Variants in ROBO1 observed in about 807,000 individuals in gnomAD.
ROBO1 encodes the protein roundabout homolog 1.
A neutral mutation model predicts 195.9 loss-of-function variants in ROBO1; 149 were observed. The ratio of observed to expected loss-of-function variants is 0.76; its 90% confidence interval spans 0.67 to 0.87. ROBO1 has a LOEUF of 0.87. Among genes scored for constraint, ROBO1 ranks in the 40% least tolerant of loss-of-function variants. ROBO1 has a pLI of 0.00. For missense variants in ROBO1, 1,933 were observed against 2,068.3 expected, an observed-to-expected ratio of 0.93 and a Z score of 1.27; for synonymous variants, 816 against 733.2, an observed-to-expected ratio of 1.11 and a Z score of -1.82.
At chr3:78,811,835 C>T (rs1189552694) in intron 4 of ROBO1, among the ~76,000 whole-genome samples, 1 of 151,994 alleles carries the variant, frequency 6.6e-6, no homozygotes, top group East Asian at 1.9e-4. Context: ...TCGTTTCTTC[C>T]CAAGGCATTT....
intron 10 of ROBO1, among the ~76,000 whole-genome samples, chr3:78,677,967 AAACT>A (rs1708543132): frequency 6.6e-6 from 1 of 151,784 alleles, no homozygotes; most frequent in Non-Finnish European, 1.5e-5. Context: ...AAATTATAAC[AAACT>A]GTCTCTCAGA....
chr3:79,381,231 C>A (rs535449086), intron 2 of ROBO1, among the ~76,000 whole-genome samples: 1 of 151,452 alleles, frequency 6.6e-6, no homozygotes, highest in East Asian at 2.0e-4. Context: ...GAGGCAGGTG[C>A]CTGTAATCCC....
intron 8 of ROBO1, among the ~76,000 whole-genome samples, chr3:78,706,514 C>T (rs1431029167): frequency 6.6e-6 from 1 of 151,416 alleles, no homozygotes; most frequent in African/African-American, 2.4e-5. Flanking sequence ...TTATTTAAAA[C>T]AATTTTTTTT....
At chr3:79,326,616 A>C (rs1018813316) in intron 2 of ROBO1, among the ~76,000 whole-genome samples, 1 of 152,190 alleles carries the variant, frequency 6.6e-6, no homozygotes, top group Non-Finnish European at 1.5e-5. Context: ...AAGGAAAACC[A>C]ATATGAATTG....
At position 78,681,105 on chromosome 3, in the gene ROBO1, TTC is replaced by T. The variant is rs1319916396; in HGVS notation, c.1342+4639_1342+4640del. 5.9e-5 allele frequency among the ~76,000 whole-genome samples: 9 copies of T among 151,848 alleles called. No homozygotes were observed. The East Asian group carries it at 1.7e-3, about 29-fold the overall frequency. On this transcript the variant is annotated intron_variant, in intron 10 of 30. Coordinates refer to ENST00000464233, the MANE Select transcript of ROBO1 (RefSeq NM_002941.4). ...AGGACAAAAAACCAAACACCGCATGTTCTCACTCACAGGTGGGAATTGAACAA... is the reference window on the plus strand; with the variant it reads ...AGGACAAAAAACCAAACACCGCATGTTCACTCACAGGTGGGAATTGAACAA...
chr3:78,606,044 T>A (rs1703442450), intron 29 of ROBO1, among the ~76,000 whole-genome samples: 1 of 152,238 alleles, frequency 6.6e-6, no homozygotes, highest in South Asian at 2.1e-4. Context: ...CTTCCTTCAC[T>A]GTATAGTGCT....
At chr3:78,921,527 C>T (rs2038938242) in intron 4 of ROBO1, among the ~76,000 whole-genome samples, 1 of 152,156 alleles carries the variant, frequency 6.6e-6, no homozygotes, top group African/African-American at 2.4e-5. Flanking sequence ...CAGTAAATGT[C>T]CCAAATGGAA....
intron 8 of ROBO1, among the ~76,000 whole-genome samples, chr3:78,711,371 C>T (rs1262644790): frequency 2.7e-4 from 7 of 26,028 alleles, no homozygotes; most frequent in African/African-American, 1.0e-3. Flanking sequence ...TCCTTCCTTC[C>T]TTCCTTCCTT....
chr3:79,699,766 A>T lies in ROBO1; in HGVS notation c.-51+67986T>A, dbSNP rs563381050. Among the ~76,000 whole-genome samples the T allele has an allele frequency of 5.3e-4, 80 of 151,714 alleles. No homozygotes were observed. The Middle Eastern group carries it at 0.01, about 19-fold the overall frequency. On this transcript the variant is annotated intron_variant, in intron 1 of 30. Coordinates refer to ENST00000464233, the MANE Select transcript of ROBO1 (RefSeq NM_002941.4). ...GGCCAATAAGATATGAGTGAAAACG[A>T]TATGTGGCAGCTTCTGGGAACATTT...
chr3:78,635,881 T>A lies in ROBO1; in HGVS notation c.3265A>T (p.Asn1089Tyr). ...TTCTCGCCAGAGTCCCCGCTGCCAT[T>A]GTTCATGTTGTTGCTGAGGTTTGAC... Reference protein sequence around the residue: ...IQSNLSNNMNNGSGDSGEKHW... With the variant: ...IQSNLSNNMNYGSGDSGEKHW... Residue 1089 changes from asparagine (N) to tyrosine (Y), a missense_variant, in exon 23 of 31, where the codon AAT (asparagine) becomes TAT (tyrosine). This residue lies in a region of ROBO1 where 1,737 missense variants were observed against 1,882.5 expected (regional missense o/e 0.92). Transcript: ENST00000464233. 6.2e-7 allele frequency: 1 copy of A among 1,613,906 alleles called. No homozygotes were observed. The highest frequency in any genetic ancestry group is 8.5e-7 in the Non-Finnish European group (1 of 1,179,846).
chr3:79,688,284 G>A (rs1261694232), intron 1 of ROBO1, among the ~76,000 whole-genome samples: 2 of 151,236 alleles, frequency 1.3e-5, no homozygotes, highest in South Asian at 4.2e-4. Flanking sequence ...CGAGTTAATG[G>A]GTGCAGCACA....
intron 2 of ROBO1, among the ~76,000 whole-genome samples, chr3:79,470,567 C>T (rs1938217046): frequency 6.6e-6 from 1 of 152,124 alleles, no homozygotes; most frequent in Non-Finnish European, 1.5e-5. Flanking sequence ...TGTGTTCCCA[C>T]CCAAATCTCA....
At chr3:79,472,376 G>A (rs942599191) in intron 2 of ROBO1, among the ~76,000 whole-genome samples, 1 of 152,024 alleles carries the variant, frequency 6.6e-6, no homozygotes, top group African/African-American at 2.4e-5. Context: ...AGAATCTAGG[G>A]TCAACCGTTA....
chr3:79,389,159 A>C (rs2036859635), intron 2 of ROBO1, among the ~76,000 whole-genome samples: 1 of 152,078 alleles, frequency 6.6e-6, no homozygotes. Context: ...ATTAAAAATA[A>C]TGCTCAATAA....
At chr3:79,250,328 T>C (rs2082696823) in intron 2 of ROBO1, among the ~76,000 whole-genome samples, 1 of 152,216 alleles carries the variant, frequency 6.6e-6, no homozygotes, top group South Asian at 2.1e-4. Context: ...TGGAATTTTC[T>C]AATGAAGACA....
At chr3:79,749,582 G>A (rs1160124537) in intron 1 of ROBO1, among the ~76,000 whole-genome samples, 1 of 152,178 alleles carries the variant, frequency 6.6e-6, no homozygotes, top group Non-Finnish European at 1.5e-5. Context: ...TCCAGGTCTA[G>A]AGTCCCCCTA....
At chr3:79,095,450 A>G (rs1281734257) in intron 3 of ROBO1, among the ~76,000 whole-genome samples, 1 of 151,982 alleles carries the variant, frequency 6.6e-6, no homozygotes, top group Non-Finnish European at 1.5e-5. Context: ...AAAAACTGAG[A>G]CGACCAGCCA....
intron 1 of ROBO1, among the ~76,000 whole-genome samples, chr3:79,765,375 C>T (rs1369020398): frequency 1.3e-5 from 2 of 152,118 alleles, no homozygotes; most frequent in Non-Finnish European, 2.9e-5. Flanking sequence ...GCTGCTGCTT[C>T]CTCTTCCTTT....
intron 4 of ROBO1, among the ~76,000 whole-genome samples, chr3:78,853,283 A>C (rs2034188165): frequency 6.6e-6 from 1 of 151,992 alleles, no homozygotes; most frequent in African/African-American, 2.4e-5. Context: ...TAGCACATAA[A>C]GGAGACAGAA....
Sources: allele counts gnomAD v4.1 joint callset (sites outside exome capture counted in the v4.1 genomes callset), GRCh38; gene constraint gnomAD v4.1.1; regional missense constraint gnomAD v4.1.1; transcripts MANE v1.5; gene names NCBI Gene and HGNC (gene_info 2026-07-23, HGNC 2026-07-21).